The following ONECUT2 variants were observed in gnomAD, a reference collection of about 807,000 sequenced individuals.
The protein encoded by ONECUT2 is one cut domain family member 2.
In ONECUT2, 10 loss-of-function variants were observed where a neutral mutation model predicts 27.9. The observed-to-expected ratio is 0.36, with a 90% CI of 0.22 to 0.61. ONECUT2 has a LOEUF of 0.61. ONECUT2 is among the 20% of genes least tolerant of loss of function. ONECUT2 has a pLI of 0.73. For missense variants in ONECUT2, 686 were observed against 721.0 expected, an observed-to-expected ratio of 0.95 and a Z score of 0.56; for synonymous variants, 334 against 315.1, an observed-to-expected ratio of 1.06 and a Z score of -0.64.
chr18:57,442,241 TGG>T (rs141734335), intron 1 of ONECUT2, among the ~76,000 whole-genome samples: 3,243 of 126,352 alleles, frequency 0.026, 130 homozygotes, highest in African/African-American at 0.091. Context: ...CTAATTCTTC[TGG>T]GTTTTTTTTT....
intron 1 of ONECUT2, among the ~76,000 whole-genome samples, chr18:57,462,621 A>G (rs1334071671): frequency 6.6e-6 from 1 of 151,840 alleles, no homozygotes. Flanking sequence ...TCTTAATTTT[A>G]ACGGGCCCCA....
intron 1 of ONECUT2, among the ~76,000 whole-genome samples, chr18:57,459,337 A>G (rs1185903379): frequency 2.0e-5 from 3 of 152,212 alleles, no homozygotes; most frequent in African/African-American, 4.8e-5. Flanking sequence ...AAAGATGAGG[A>G]GGGTCACTAC....
rs3892957 is a variant in ONECUT2, at chr18:57,477,032, G to A, written c.*309G>A. 0.28 allele frequency: 99,479 copies of A among 355,708 alleles called. 16,129 individuals carry two copies. The highest frequency in any genetic ancestry group is 0.48 in the African/African-American group (22,843 of 47,974). The allele number at this position is 355,708 out of a possible 1,614,324, so 22.0% of individuals were successfully genotyped here. A position where few individuals can be genotyped will look rare whatever the true frequency, so the allele number is the denominator to read the frequency against. On this transcript the variant is annotated 3_prime_UTR_variant, in exon 2 of 2. Coordinates refer to ENST00000491143, the MANE Select transcript of ONECUT2 (RefSeq NM_004852.3). ...GCCTTCCTGGAGCGAGTTAATTCCA[G>A]TATGGTGTCAACCAAGCTCGGGATT... is the stretch of plus-strand genomic sequence containing the variant.
intron 1 of ONECUT2, among the ~76,000 whole-genome samples, chr18:57,463,064 T>G (rs990398934): frequency 6.6e-5 from 10 of 152,202 alleles, no homozygotes; most frequent in African/African-American, 2.2e-4. Flanking sequence ...ACTTTATTGT[T>G]TTGCCATCCA....
chr18:57,463,428 A>C (rs1196298279), intron 1 of ONECUT2, among the ~76,000 whole-genome samples: 1 of 152,028 alleles, frequency 6.6e-6, no homozygotes, highest in African/African-American at 2.4e-5. Flanking sequence ...ATTTTTTTGC[A>C]TTCCCAGTTA....
In ONECUT2 at chr18:57,469,814, A is replaced by C. The variant is rs745385660; in HGVS notation, c.1229-6623A>C. Among the ~76,000 whole-genome samples, 4 of 152,234 alleles carry C rather than the reference A, an allele frequency of 2.6e-5. No homozygotes were observed. In the South Asian group the frequency reaches 8.3e-4, roughly 32 times the overall value. On this transcript the variant is annotated intron_variant, in intron 1 of 1. Coordinates refer to ENST00000491143, the MANE Select transcript of ONECUT2 (RefSeq NM_004852.3). ...CTACTCTGTGCCAAGTGTTACAGCA[A>C]GCCTTTTGATGTCCTGGAGTGCTGG...
chr18:57,469,190 G>A (rs1456163447), intron 1 of ONECUT2, among the ~76,000 whole-genome samples: 2 of 152,166 alleles, frequency 1.3e-5, no homozygotes, highest in Non-Finnish European at 2.9e-5. Context: ...TAGTGGAAAG[G>A]GTCACGCTCC....
intron 1 of ONECUT2, among the ~76,000 whole-genome samples, chr18:57,461,532 A>G (rs1042406491): frequency 6.6e-6 from 1 of 152,238 alleles, no homozygotes; most frequent in African/African-American, 2.4e-5. Flanking sequence ...TGATTCCAGA[A>G]AACACTAGTA....
At chr18:57,469,543 C>A (rs941349932) in intron 1 of ONECUT2, among the ~76,000 whole-genome samples, 2 of 152,170 alleles carry the variant, frequency 1.3e-5, no homozygotes, top group African/African-American at 4.8e-5. Context: ...GGTCCAAAAC[C>A]TTTTAGGATC....
rs1179249353 is a variant in ONECUT2, at chr18:57,482,378, T to G, written c.*5655T>G. ...CCATTGAGGCTGATGGGCTGTTGTG[T>G]GAATCACACAGGACCTTAAATGAGG... On this transcript the variant is annotated 3_prime_UTR_variant, in exon 2 of 2. Transcript: ENST00000491143. The G allele has an allele frequency of 6.6e-6, 1 of 152,220 alleles. No homozygotes were observed. The highest frequency in any genetic ancestry group is 1.5e-5 in the Non-Finnish European group (1 of 68,042). 9.4% of individuals were successfully genotyped at this position (152,220 alleles called of 1,614,324 possible). A position where few individuals can be genotyped will look rare whatever the true frequency, so the allele number is the denominator to read the frequency against.
intron 1 of ONECUT2, among the ~76,000 whole-genome samples, chr18:57,464,393 AC>A (rs1312809731): frequency 1.2e-4 from 19 of 152,224 alleles, no homozygotes. Flanking sequence ...AGTGGTGCTT[AC>A]ACCCCTCATC....
intron 1 of ONECUT2, among the ~76,000 whole-genome samples, chr18:57,452,513 C>T (rs988516759): frequency 6.6e-6 from 1 of 152,152 alleles, no homozygotes; most frequent in African/African-American, 2.4e-5. Flanking sequence ...CAACCTCCAC[C>T]TACTGGGTTC....
chr18:57,446,785 C>T (rs539244663), intron 1 of ONECUT2, among the ~76,000 whole-genome samples: 1 of 152,278 alleles, frequency 6.6e-6, no homozygotes, highest in African/African-American at 2.4e-5. Context: ...AGGTGATTTG[C>T]CCATCCTGCA....
chr18:57,462,655 C>G (rs542464998), intron 1 of ONECUT2, among the ~76,000 whole-genome samples: 1 of 151,436 alleles, frequency 6.6e-6, no homozygotes, highest in East Asian at 1.9e-4. Flanking sequence ...TCTCTTTGGG[C>G]TAGTACTTTT....
chr18:57,452,486 A>G (rs1330808341), intron 1 of ONECUT2, among the ~76,000 whole-genome samples: 1 of 152,082 alleles, frequency 6.6e-6, no homozygotes, highest in Non-Finnish European at 1.5e-5. Context: ...GTGCAGTAGT[A>G]CAATCTTGGC....
intron 1 of ONECUT2, among the ~76,000 whole-genome samples, chr18:57,438,316 G>A (rs188134082): frequency 6.6e-6 from 1 of 152,238 alleles, no homozygotes; most frequent in Non-Finnish European, 1.5e-5. Context: ...CGGGTGGAGG[G>A]GGGTATCTTT....
At chr18:57,466,820 T>A (rs2050323788) in intron 1 of ONECUT2, among the ~76,000 whole-genome samples, 1 of 152,268 alleles carries the variant, frequency 6.6e-6, no homozygotes, top group Non-Finnish European at 1.5e-5. Context: ...TCTGTGGTTT[T>A]AGCAGCTGAC....
intron 1 of ONECUT2, 57 bp downstream of exon 1, chr18:57,437,001 G>T (rs548154869): frequency 1.1e-5 from 17 of 1,514,466 alleles, no homozygotes; most frequent in Non-Finnish European, 1.5e-5. Context: ...CGGGTCCGGT[G>T]CTTGTGGCCC....
rs764986049 is a variant in ONECUT2 at position 57,435,768 on chromosome 18, T to C, written c.52T>C (p.Cys18Arg). 6 of 1,265,682 alleles carry C rather than the reference T, an allele frequency of 4.7e-6. No individual in the cohort carries two copies. The highest frequency in any genetic ancestry group is 3.2e-5 in the African/African-American group (2 of 62,000). 78.4% of individuals were successfully genotyped at this position (1,265,682 alleles called of 1,614,324 possible). ...ATGCCTCACCAAAGACCTAGAAGGC[T>C]GCGCCATGAACCCGGAGCTGACAAT... ...YRCLTKDLEG[C>R]AMNPELTMES... The change falls in exon 1 of 2, where the codon TGC becomes CGC. Residue 18 changes from cysteine (C) to arginine (R), a missense_variant. Physicochemically the swap from Cys to Arg is radical, Grantham distance 180. This residue lies in a region of ONECUT2 where 511 missense variants were observed against 488.1 expected (regional missense o/e 1.05). Coordinates refer to ENST00000491143, the MANE Select transcript of ONECUT2 (RefSeq NM_004852.3).
Sources: allele counts gnomAD v4.1 joint callset (sites outside exome capture counted in the v4.1 genomes callset), GRCh38; gene constraint gnomAD v4.1.1; regional missense constraint gnomAD v4.1.1; transcripts MANE v1.5; gene names NCBI Gene and HGNC (gene_info 2026-07-23, HGNC 2026-07-21).